Variants in ACADS observed in about 807,000 individuals in gnomAD.
ACADS encodes the protein short-chain specific acyl-CoA dehydrogenase, mitochondrial.
ACADS carries 28 observed loss-of-function variants against 46.8 expected under a neutral mutation model. The ratio of observed to expected loss-of-function variants is 0.60; its 90% CI spans 0.44 to 0.82. ACADS has a LOEUF of 0.82. Ranked by LOEUF, ACADS falls within the 40% of genes least tolerant of loss-of-function variation. The probability of loss-of-function intolerance (pLI) is 0.00; values close to 1 mark genes in which losing one functional copy is unlikely to be tolerated. For missense variants in ACADS, 528 were observed against 578.0 expected, an observed-to-expected ratio of 0.91 and a Z score of 0.89; for synonymous variants, 236 against 237.7, an observed-to-expected ratio of 0.99 and a Z score of 0.07.
chr12:120,725,960 G>A (rs1368873489), intron 1 of ACADS, 29 bp downstream of exon 1: 4 of 1,520,362 alleles, frequency 2.6e-6, no homozygotes, highest in East Asian at 2.6e-5. Flanking sequence ...CGTACGGCGG[G>A]GCTTCAGCCC....
At chr12:120,732,059 TC>T (rs1319725049) in intron 2 of ACADS, among the ~76,000 whole-genome samples, 5 of 152,248 alleles carry the variant, frequency 3.3e-5, no homozygotes, top group African/African-American at 1.2e-4. Flanking sequence ...ACAGCAACCA[TC>T]CGATTTCTCA....
intron 5 of ACADS, 105 bp from the exon 6 acceptor site, chr12:120,738,175 A>G (rs1386014649): frequency 2.5e-6 from 4 of 1,587,874 alleles, no homozygotes; most frequent in Non-Finnish European, 3.4e-6. Context: ...TCAAGGCCTG[A>G]GCTTCTGAGG....
intron 2 of ACADS, among the ~76,000 whole-genome samples, chr12:120,727,823 A>G (rs1452117258): frequency 6.6e-6 from 1 of 152,174 alleles, no homozygotes; most frequent in Non-Finnish European, 1.5e-5. Flanking sequence ...GGTGTGAGAC[A>G]CCACGCCCGG....
At chr12:120,733,460 C>G (rs1184544521) in intron 2 of ACADS, among the ~76,000 whole-genome samples, 1 of 152,112 alleles carries the variant, frequency 6.6e-6, no homozygotes, top group Non-Finnish European at 1.5e-5. Flanking sequence ...TGTGCTGCCG[C>G]AGGTCTGTGT....
At position 120,737,029 on chromosome 12, in the gene ACADS, C is replaced by G. The variant is rs1883465025; in HGVS notation, c.254C>G (p.Pro85Arg). ...GGLGLLAMDV[P>R]EELGGAGLDY... ...CTTGGGCTTCTGGCCATGGACGTGCCCGAGGAGCTTGGCGGTGCTGGCCTC... is the reference window on the plus strand; with the variant it reads ...CTTGGGCTTCTGGCCATGGACGTGCGCGAGGAGCTTGGCGGTGCTGGCCTC... The change falls in exon 3 of 10, where the codon CCC becomes CGC. Residue 85 changes from proline to arginine, a missense_variant. By Grantham distance (103) the Pro-to-Arg change is moderately radical. Transcript: ENST00000242592. The G allele has an allele frequency of 1.9e-6, 3 of 1,610,818 alleles. No homozygotes were observed. The East Asian group carries it at 6.7e-5, about 36-fold the overall frequency.
At chr12:120,726,583 G>A (rs1046285474) in intron 1 of ACADS, among the ~76,000 whole-genome samples, 1 of 152,184 alleles carries the variant, frequency 6.6e-6, no homozygotes, top group Non-Finnish European at 1.5e-5. Context: ...TCCGAGGAGC[G>A]GAATACTATT....
intron 2 of ACADS, among the ~76,000 whole-genome samples, chr12:120,731,267 T>A (rs1883238268): frequency 6.6e-6 from 1 of 152,036 alleles, no homozygotes; most frequent in East Asian, 1.9e-4. Context: ...ACCCTCTTTT[T>A]AAAATTTTTT....
At position 120,725,937 on chromosome 12, in the gene ACADS, T is replaced by C; in HGVS notation, c.46+6T>C. ...CTCGGGCCCTGCCCGCAGAGGTGAG[T>C]GCGCTGGGGATCCGTACGGCGGGGC... On this transcript the variant is annotated splice_donor_region_variant and intron_variant, in intron 1 of 9. Transcript: ENST00000242592. 6.5e-7 allele frequency: 1 copy of C among 1,545,172 alleles called. No individual in the cohort carries two copies. The highest frequency in any genetic ancestry group is 8.7e-7 in the Non-Finnish European group (1 of 1,155,410).
Position 120,725,839 on chromosome 12 carries a change from G to T in ACADS, c.-47G>T. The T allele has an allele frequency of 6.6e-7, 1 of 1,523,896 alleles. No homozygotes were observed. The highest frequency in any genetic ancestry group is 1.2e-5 in the South Asian group (1 of 83,056). 94.4% of individuals were successfully genotyped at this position (1,523,896 alleles called of 1,614,324 possible). A position where few individuals can be genotyped will look rare whatever the true frequency, so the allele number is the denominator to read the frequency against. Reference sequence around the variant, plus strand: ...CCGCCCCCCAGCACTCCGGAACAGCGCGCTCGCAGCGGGAGGTCGCGAAGC... The same window carrying T: ...CCGCCCCCCAGCACTCCGGAACAGCTCGCTCGCAGCGGGAGGTCGCGAAGC... On this transcript the variant is annotated 5_prime_UTR_variant, in exon 1 of 10. Transcript: ENST00000242592.
intron 2 of ACADS, among the ~76,000 whole-genome samples, chr12:120,736,600 G>T (rs1264653684): frequency 1.3e-5 from 2 of 152,212 alleles, no homozygotes; most frequent in African/African-American, 4.8e-5. Context: ...CATGTGCAGA[G>T]GCCCTGTGGT....
At chr12:120,735,348 T>TAAAA (rs756263687) in intron 2 of ACADS, among the ~76,000 whole-genome samples, 4 of 72,270 alleles carry the variant, frequency 5.5e-5, no homozygotes, top group Admixed American at 1.8e-4. Flanking sequence ...GCGCAGTCCT[T>TAAAA]AAAAAAAAAA....
Position 120,725,916 on chromosome 12 carries a change from G to C in ACADS, c.31G>C (p.Gly11Arg). MAAALLARAS[G>R]PARRALCPRA... ...CGCCGCGCTGCTCGCCCGGGCCTCG[G>C]GCCCTGCCCGCAGAGGTGAGTGCGC... Residue 11 changes from glycine to arginine, a missense_variant, in exon 1 of 10, where the codon GGC becomes CGC. Transcript: ENST00000242592. 6.4e-7 allele frequency: 1 copy of C among 1,555,856 alleles called. No individual in the cohort carries two copies. The highest frequency in any genetic ancestry group is 8.6e-7 in the Non-Finnish European group (1 of 1,160,306).
At chr12:120,734,487 T>C (rs1254720874) in intron 2 of ACADS, among the ~76,000 whole-genome samples, 3 of 152,188 alleles carry the variant, frequency 2.0e-5, no homozygotes, top group Non-Finnish European at 4.4e-5. Flanking sequence ...CTTAGAGTCT[T>C]ACAAGTGAGT....
intron 2 of ACADS, among the ~76,000 whole-genome samples, chr12:120,732,835 A>G (rs190188111): frequency 2.0e-5 from 3 of 152,262 alleles, no homozygotes; most frequent in African/African-American, 7.2e-5. Context: ...CCGGGCAGAG[A>G]CTGCAATCTC....
In ACADS at chr12:120,730,270, C is replaced by T. The variant is rs3794216; in HGVS notation, c.210+3081C>T. Among the ~76,000 whole-genome samples the T allele has an allele frequency of 2.1e-3, 320 of 152,250 alleles. 1 individual carries two copies. The highest frequency in any genetic ancestry group is 7.2e-3 in the African/African-American group (301 of 41,544). ...TTCTGGGATTACAGGCATGAGCCAC[C>T]GCGCCCAGCTGGTAGATGCTGTAAA... On this transcript the variant is annotated intron_variant, in intron 2 of 9. Transcript: ENST00000242592.
Position 120,737,349 on chromosome 12 carries a change from C to T in ACADS, c.361-7C>T, listed in dbSNP as rs752941361. 2 of 1,613,372 alleles carry T rather than the reference C, an allele frequency of 1.2e-6. No individual in the cohort carries two copies. Among genetic ancestry groups the T allele is most frequent in the Non-Finnish European group, 1.7e-6 (2 of 1,179,660 alleles). The stretch of plus-strand genomic sequence containing the variant: ...GGGCCTCCGACCGCTCCCCGCTGTC[C>T]TCCTAGTCTCTCTACCTGGGGCCCA... On this transcript the variant is annotated splice_region_variant and splice_polypyrimidine_tract_variant and intron_variant, in intron 3 of 9. Transcript: ENST00000242592.
intron 2 of ACADS, among the ~76,000 whole-genome samples, chr12:120,736,735 G>A (rs140976892): frequency 5.1e-4 from 78 of 152,298 alleles, no homozygotes; most frequent in African/African-American, 1.7e-3. Flanking sequence ...GCTCGCTGCC[G>A]TGGCTGTGGA....
chr12:120,734,882 G>A (rs1301245095), intron 2 of ACADS, among the ~76,000 whole-genome samples: 1 of 150,878 alleles, frequency 6.6e-6, no homozygotes, highest in African/African-American at 2.4e-5. Context: ...CTCCCGAGTA[G>A]CTGGGATTAC....
intron 2 of ACADS, among the ~76,000 whole-genome samples, chr12:120,727,709 T>C (rs941599787): frequency 3.3e-5 from 5 of 152,146 alleles, no homozygotes; most frequent in African/African-American, 1.2e-4. Flanking sequence ...GCTACTTTTG[T>C]ATTTTTAGTA....
Sources: allele counts gnomAD v4.1 joint callset (sites outside exome capture counted in the v4.1 genomes callset), GRCh38; gene constraint gnomAD v4.1.1; transcripts MANE v1.5; gene names NCBI Gene and HGNC (gene_info 2026-07-23, HGNC 2026-07-21).